Variants in ANKRD11 observed in about 807,000 individuals in gnomAD.
ANKRD11 encodes ankyrin repeat domain 11.
In ANKRD11, 17 loss-of-function variants were observed where a neutral mutation model predicts 195.7. That is an observed-to-expected ratio of 0.09 (90% CI 0.06 to 0.13). The LOEUF is 0.13. ANKRD11 is among the 10% of genes least tolerant of loss of function. ANKRD11 has a pLI of 1.00. For missense variants in ANKRD11, 3,735 were observed against 3,566.1 expected (o/e 1.05, Z -1.21); for synonymous variants, 1,953 against 1,528.1 (o/e 1.28, Z -6.49).
At chr16:89,450,790 C>T (rs888165896) in intron 1 of ANKRD11, among the ~76,000 whole-genome samples, 2 of 152,130 alleles carry the variant, frequency 1.3e-5, no homozygotes, top group Non-Finnish European at 2.9e-5. Flanking sequence ...AGCCACCATG[C>T]CTGGCCTGTC....
At chr16:89,481,042 C>A (rs1330603770) in intron 1 of ANKRD11, among the ~76,000 whole-genome samples, 1 of 152,198 alleles carries the variant, frequency 6.6e-6, no homozygotes, top group Admixed American at 6.5e-5. Flanking sequence ...TGCCCCACCA[C>A]CCCGTTCCCC....
chr16:89,367,742 AC>A (rs1015780024), intron 2 of ANKRD11, among the ~76,000 whole-genome samples: 1 of 151,986 alleles, frequency 6.6e-6, no homozygotes, highest in African/African-American at 2.4e-5. Context: ...CATCCTGACT[AC>A]CCCCAGCGGC....
intron 4 of ANKRD11, chr16:89,299,820 T>C: frequency 5.4e-6 from 1 of 186,246 alleles, no homozygotes; most frequent in Non-Finnish European, 1.0e-5. Flanking sequence ...CTGTGTGGGC[T>C]GCGTGGGGTC....
Position 89,291,813 on chromosome 16 carries a change from G to A in ANKRD11, c.227-630C>T, listed in dbSNP as rs1173282227. ...CAACACAGAGCACTAACAAGACACGGTGTGAGAGCTCGGCTGTTTCCACCT... is the reference window on the plus strand; with the variant it reads ...CAACACAGAGCACTAACAAGACACGATGTGAGAGCTCGGCTGTTTCCACCT... On this transcript the variant is annotated intron_variant, in intron 4 of 12. Coordinates refer to ENST00000301030, the MANE Select transcript of ANKRD11 (RefSeq NM_013275.6). The surrounding 1 kb of genome is among the most constrained non-coding windows in gnomAD (Gnocchi z 5.3). 3 of 1,269,524 alleles carry A rather than the reference G, an allele frequency of 2.4e-6. No individual in the cohort carries two copies. The highest frequency in any genetic ancestry group is 2.1e-6 in the Non-Finnish European group (2 of 970,682). 78.6% of individuals were successfully genotyped at this position (1,269,524 alleles called of 1,614,324 possible).
At chr16:89,442,498 C>A (rs928701911) in intron 1 of ANKRD11, among the ~76,000 whole-genome samples, 1 of 152,222 alleles carries the variant, frequency 6.6e-6, no homozygotes, top group Non-Finnish European at 1.5e-5. Flanking sequence ...GCTTCCCCCA[C>A]ACGCTGTTTG....
chr16:89,270,452 C>T, intron 12 of ANKRD11: 1 of 376,054 alleles, frequency 2.7e-6, no homozygotes, highest in South Asian at 2.2e-5. Flanking sequence ...ACCTCCCCCG[C>T]CCCTGCCCAC....
At chr16:89,371,464 C>T (rs1347796980) in intron 2 of ANKRD11, among the ~76,000 whole-genome samples, 3 of 152,334 alleles carry the variant, frequency 2.0e-5, no homozygotes, top group Non-Finnish European at 2.9e-5. Context: ...GGGCCGCTGA[C>T]GCCAGCAGCT....
chr16:89,360,311 G>A (rs1021929751), intron 2 of ANKRD11, among the ~76,000 whole-genome samples: 35 of 150,802 alleles, frequency 2.3e-4, no homozygotes, highest in African/African-American at 6.5e-4. Context: ...TGCCCAAGCT[G>A]GCCTGAAACT....
intron 3 of ANKRD11, among the ~76,000 whole-genome samples, chr16:89,316,348 G>A (rs2036954805): frequency 6.6e-6 from 1 of 152,042 alleles, no homozygotes. Context: ...CACAGTGCAG[G>A]ACAGGAAGTC....
In ANKRD11 at chr16:89,390,923, C is replaced by A. The variant is rs974897748; in HGVS notation, c.-60+27361G>T. On this transcript the variant is annotated intron_variant, in intron 2 of 12. Transcript: ENST00000301030. ...AAGTGTCACCCTGATTTGTGTGAGC[C>A]ACTCTCATAAAATTATTGCACCAGG... 3.3e-5 allele frequency among the ~76,000 whole-genome samples: 5 copies of A among 152,274 alleles called. No homozygotes were observed. In the South Asian group the frequency reaches 1.0e-3, roughly 32 times the overall value.
At chr16:89,308,975 A>G (rs141744344) in intron 3 of ANKRD11, among the ~76,000 whole-genome samples, 195 of 152,332 alleles carry the variant, frequency 1.3e-3, no homozygotes, top group African/African-American at 4.6e-3. Context: ...TCTGTACCCC[A>G]AAGATCAGCC....
At chr16:89,397,369 T>G (rs1180366273) in intron 2 of ANKRD11, among the ~76,000 whole-genome samples, 1 of 152,232 alleles carries the variant, frequency 6.6e-6, no homozygotes, top group African/African-American at 2.4e-5. Context: ...ATTTACAAAA[T>G]CTGAGTTTTC....
intron 1 of ANKRD11, among the ~76,000 whole-genome samples, chr16:89,435,796 T>TCACA (rs58503159): frequency 0.12 from 17,435 of 142,926 alleles, 1,033 homozygotes; most frequent in East Asian, 0.15. Context: ...CACCAGCTCT[T>TCACA]CACACACACA....
chr16:89,334,069 T>C (rs1258002268), intron 2 of ANKRD11, among the ~76,000 whole-genome samples: 1 of 145,308 alleles, frequency 6.9e-6, no homozygotes, highest in African/African-American at 2.6e-5. Flanking sequence ...ACAAGCACTT[T>C]GGAAGGCTGA....
At chr16:89,278,445 G>A (rs533253142) in intron 9 of ANKRD11, 2 of 442,818 alleles carry the variant, frequency 4.5e-6, no homozygotes, top group East Asian at 1.4e-4. Context: ...CGTAGCGCAA[G>A]GAGCTGGGGG....
At chr16:89,292,273 G>A (rs1037282065) in intron 4 of ANKRD11, among the ~76,000 whole-genome samples, 7 of 152,070 alleles carry the variant, frequency 4.6e-5, no homozygotes, top group Non-Finnish European at 8.8e-5. Context: ...CTTCTCCCTC[G>A]GCTGGTGTTT....
In ANKRD11 at chr16:89,332,384, C is replaced by A. The variant is rs572980063; in HGVS notation, c.-59-15306G>T. Among the ~76,000 whole-genome samples the A allele has an allele frequency of 3.9e-5, 6 of 152,280 alleles. No homozygotes were observed. In the East Asian group the frequency reaches 9.7e-4, roughly 24 times the overall value. On this transcript the variant is annotated intron_variant, in intron 2 of 12. Transcript: ENST00000301030. ...TACCTTTTCAGAAAGAAACACTGAG[C>A]CCCCCAAGTCCCCGAGGACAGAGAT...
At chr16:89,295,789 T>C (rs977277467) in intron 4 of ANKRD11, among the ~76,000 whole-genome samples, 1 of 138,690 alleles carries the variant, frequency 7.2e-6, no homozygotes, top group Non-Finnish European at 1.6e-5. Flanking sequence ...GAGCGGGGGC[T>C]GTGACCTTCC....
chr16:89,291,089 G>A lies in ANKRD11; in HGVS notation c.321C>T (p.Ala107=), dbSNP rs749782567. 14 of 1,613,612 alleles carry A rather than the reference G, an allele frequency of 8.7e-6. No homozygotes were observed. Among genetic ancestry groups the A allele is most frequent in the African/African-American group, 4.0e-5 (3 of 74,888 alleles). The change falls in exon 5 of 13, where the codon GCC becomes GCT. Residue 107 remains alanine, a synonymous_variant. Transcript: ENST00000301030. The surrounding 1 kb of genome is among the most constrained non-coding windows in gnomAD (Gnocchi z 5.3). ...LFGMGLSGIR[A]GYPLSERQQV... is the part of the protein sequence containing the mutation. ...GCTGGCGCTCGGAGAGGGGGTAGCCGGCTCGGATTCCAGACAGCCCCATGC... is the reference window on the plus strand; with the variant it reads ...GCTGGCGCTCGGAGAGGGGGTAGCCAGCTCGGATTCCAGACAGCCCCATGC...
Sources: allele counts gnomAD v4.1 joint callset (sites outside exome capture counted in the v4.1 genomes callset), GRCh38; gene constraint gnomAD v4.1.1; non-coding constraint Gnocchi (gnomAD v3.1); transcripts MANE v1.5; gene names NCBI Gene and HGNC (gene_info 2026-07-23, HGNC 2026-07-21).